IKZF1: variants seen among roughly 807,000 people sequenced by gnomAD.
IKZF1 encodes DNA-binding protein Ikaros.
Under a neutral mutation model 51.7 loss-of-function variants are expected in IKZF1, and 10 were observed. The ratio of observed to expected loss-of-function variants is 0.19; its 90% CI spans 0.12 to 0.33. The LOEUF is 0.33. IKZF1 is among the 10% of genes least tolerant of loss of function. The pLI is 1.00. For synonymous variants in IKZF1, 280 were observed against 282.3 expected, an observed-to-expected ratio of 0.99 and a Z score of 0.08; for missense variants, 484 against 707.5, an observed-to-expected ratio of 0.68 and a Z score of 3.58.
intron 3 of IKZF1, among the ~76,000 whole-genome samples, chr7:50,335,868 T>A (rs1174338698): frequency 6.6e-6 from 1 of 151,904 alleles, no homozygotes; most frequent in Non-Finnish European, 1.5e-5. Flanking sequence ...CTGGCTCTAT[T>A]GATTCCTAGC....
intron 3 of IKZF1, among the ~76,000 whole-genome samples, chr7:50,358,006 G>A (rs937608498): frequency 2.6e-5 from 4 of 152,200 alleles, no homozygotes; most frequent in Non-Finnish European, 5.9e-5. Context: ...GAAGGACATA[G>A]CATAGCACCT....
intron 3 of IKZF1, among the ~76,000 whole-genome samples, chr7:50,340,079 G>A (rs1412573000): frequency 6.6e-6 from 1 of 152,154 alleles, no homozygotes. Flanking sequence ...CTGCAGGGGT[G>A]GCTTCTTGAG....
At chr7:50,374,219 A>T (rs75241508) in intron 3 of IKZF1, among the ~76,000 whole-genome samples, 5,622 of 152,330 alleles carry the variant, frequency 0.037, 417 homozygotes, top group East Asian at 0.19. Context: ...CAGCCTCTGG[A>T]AATTCAACCC....
Position 50,325,306 on chromosome 7 carries a change from C to T in IKZF1, c.41-2332C>T, listed in dbSNP as rs890796948. On this transcript the variant is annotated intron_variant, in intron 2 of 7. Transcript: ENST00000331340. Reference sequence around the variant, plus strand: ...AAAAAAAAAAAAAAAATTCCTCTGACAACCTTCATAAAGTCCTGGGAGTTT... The same window carrying T: ...AAAAAAAAAAAAAAAATTCCTCTGATAACCTTCATAAAGTCCTGGGAGTTT... Among the ~76,000 whole-genome samples, 5 of 120,656 alleles carry T rather than the reference C, an allele frequency of 4.1e-5. No homozygotes were observed. In the South Asian group the frequency reaches 1.4e-3, roughly 33 times the overall value. 79.2% of individuals were successfully genotyped at this position (120,656 alleles called of 152,430 possible).
intron 3 of IKZF1, among the ~76,000 whole-genome samples, chr7:50,335,516 GTGGTGTGTGGTGCA>G (rs1797517135): frequency 2.1e-5 from 3 of 142,948 alleles, no homozygotes; most frequent in African/African-American, 7.9e-5. Flanking sequence ...TATGGGATGT[GTGGTGTGTGGTGCA>G]TAGTGTGTAT....
intron 2 of IKZF1, 90 bp downstream of exon 2, chr7:50,319,191 A>C: frequency 9.8e-7 from 1 of 1,023,074 alleles, no homozygotes; most frequent in Non-Finnish European, 1.5e-6. Context: ...CTCATGGGGG[A>C]GGAATAGGGG....
At position 50,404,903 on chromosome 7, in the gene IKZF1, G is replaced by A; in HGVS notation, c.*4276G>A. The A allele has an allele frequency of 4.6e-6, 1 of 217,506 alleles. No homozygotes were observed. The allele number at this position is 217,506 out of a possible 1,614,324, so 13.5% of individuals were successfully genotyped here. ...CTGGAAACAGCTGCCTGCCTGCATT[G>A]CACTTCTCTTCCCGAGGAGTGGGGT... On this transcript the variant is annotated 3_prime_UTR_variant, in exon 8 of 8. Coordinates refer to ENST00000331340, the MANE Select transcript of IKZF1 (RefSeq NM_006060.6).
At chr7:50,322,214 T>C (rs965521683) in intron 2 of IKZF1, among the ~76,000 whole-genome samples, 2 of 152,214 alleles carry the variant, frequency 1.3e-5, no homozygotes, top group African/African-American at 2.4e-5. Flanking sequence ...TTTAACCAAA[T>C]AGGAGTTGAC....
At chr7:50,367,315 CGTGT>C (rs143406270) in intron 3 of IKZF1, among the ~76,000 whole-genome samples, 28 of 150,462 alleles carry the variant, frequency 1.9e-4, no homozygotes, top group Admixed American at 1.3e-3. Flanking sequence ...AAAGATTGTG[CGTGT>C]GTGTGTGTGT....
chr7:50,384,677 G>A (rs1812860414), intron 5 of IKZF1, among the ~76,000 whole-genome samples: 1 of 152,242 alleles, frequency 6.6e-6, no homozygotes, highest in Non-Finnish European at 1.5e-5. Context: ...AAGGCCCATG[G>A]AGGCCTCAGC....
intron 1 of IKZF1, among the ~76,000 whole-genome samples, chr7:50,311,330 C>G (rs116505933): frequency 0.012 from 1,849 of 152,302 alleles, 27 homozygotes; most frequent in African/African-American, 0.041. Flanking sequence ...TGTGTTTACT[C>G]TAGAACACAT....
intron 1 of IKZF1, among the ~76,000 whole-genome samples, chr7:50,315,221 A>C (rs1046104473): frequency 1.3e-5 from 2 of 152,250 alleles, no homozygotes; most frequent in Non-Finnish European, 2.9e-5. Flanking sequence ...AGACTGAGAG[A>C]GAGACAGTCT....
chr7:50,339,205 T>C (rs1181681021), intron 3 of IKZF1, among the ~76,000 whole-genome samples: 1 of 136,088 alleles, frequency 7.3e-6, no homozygotes, highest in Non-Finnish European at 1.6e-5. Context: ...AGGAATTCTT[T>C]TGGGTAGGGT....
chr7:50,363,569 A>AT (rs1805910702), intron 3 of IKZF1, among the ~76,000 whole-genome samples: 1 of 152,096 alleles, frequency 6.6e-6, no homozygotes, highest in Admixed American at 6.5e-5. Flanking sequence ...ACTGAACTTG[A>AT]TTGTATTTTA....
upstream of IKZF1, chr7:50,304,531 G>A (rs1788296748): frequency 6.6e-6 from 1 of 150,484 alleles, no homozygotes; most frequent in Admixed American, 6.6e-5. Flanking sequence ...AGGGGGCCAG[G>A]TACGGGGCCC....
rs1361091744 is a variant in IKZF1 at position 50,367,928 on chromosome 7, T to C, written c.161-8605T>C. On this transcript the variant is annotated intron_variant, in intron 3 of 7. Coordinates refer to ENST00000331340, the MANE Select transcript of IKZF1 (RefSeq NM_006060.6). ...TAAAACGTTCTTTTTTAAAAAAAAG[T>C]AATGCTTTCTGTTAAACTCTGACTA... 9 of 607,270 alleles carry C rather than the reference T, an allele frequency of 1.5e-5. No homozygotes were observed. The Admixed American group carries it at 1.8e-4, about 12-fold the overall frequency. The allele number at this position is 607,270 out of a possible 1,614,324, so 37.6% of individuals were successfully genotyped here.
At chr7:50,356,330 G>A (rs1045374069) in intron 3 of IKZF1, among the ~76,000 whole-genome samples, 6 of 152,192 alleles carry the variant, frequency 3.9e-5, no homozygotes, top group Non-Finnish European at 7.3e-5. Context: ...TGGAGCCAGC[G>A]CACTTGGATG....
Position 50,382,841 on chromosome 7 carries a change from G to A in IKZF1, c.589+134G>A, listed in dbSNP as rs928066970. 13 of 1,144,326 alleles carry A rather than the reference G, an allele frequency of 1.1e-5. No individual in the cohort carries two copies. The African/African-American group carries it at 1.9e-4, about 16-fold the overall frequency. The allele number at this position is 1,144,326 out of a possible 1,614,324, so 70.9% of individuals were successfully genotyped here. On this transcript the variant is annotated intron_variant, in intron 5 of 7. Transcript: ENST00000331340. ...CAGCTCGCAGTCCTGCATCGGGTGT[G>A]AGCTGTTGCTTCTTTGACATTGCCC...
At position 50,399,997 on chromosome 7, in the gene IKZF1, G is replaced by T. The variant is rs1382110053; in HGVS notation, c.930G>T (p.Val310=). The T allele has an allele frequency of 6.2e-7, 1 of 1,613,396 alleles. No individual in the cohort carries two copies. The highest frequency in any genetic ancestry group is 1.1e-5 in the South Asian group (1 of 90,814). The change falls in exon 8 of 8, where the codon GTG becomes GTT. Residue 310 remains valine, a synonymous_variant. Coordinates refer to ENST00000331340, the MANE Select transcript of IKZF1 (RefSeq NM_006060.6). ...EKENEMMKSH[V]MDQAINNAIN... is the part of the protein sequence containing the mutation. Reference sequence around the variant, plus strand: ...AGAACGAAATGATGAAGTCCCACGTGATGGACCAAGCCATCAACAACGCCA... The same window carrying T: ...AGAACGAAATGATGAAGTCCCACGTTATGGACCAAGCCATCAACAACGCCA...
Sources: gnomAD v4.1 joint callset for allele counts (sites outside exome capture counted in the v4.1 genomes callset) on GRCh38, gnomAD v4.1.1 for gene constraint, MANE v1.5 for transcripts, NCBI Gene and HGNC (gene_info 2026-07-23, HGNC 2026-07-21) for gene names.